The following TSPAN2 variants were observed in gnomAD, a reference collection of about 807,000 sequenced individuals.
The protein encoded by TSPAN2 is tetraspanin-2.
Under a neutral mutation model 33.3 loss-of-function variants are expected in TSPAN2, and 24 were observed. That is an observed-to-expected ratio of 0.72 (90% CI 0.52 to 1.01). The LOEUF is 1.01. TSPAN2 is among the 50% of genes least tolerant of loss of function. The pLI is 0.00. For missense variants in TSPAN2, 278 were observed against 281.3 expected, an observed-to-expected ratio of 0.99 and a Z score of 0.08; for synonymous variants, 114 against 104.5, an observed-to-expected ratio of 1.09 and a Z score of -0.56.
chr1:115,072,666 G>A (rs557959983), intron 2 of TSPAN2, among the ~76,000 whole-genome samples: 9 of 152,278 alleles, frequency 5.9e-5, no homozygotes, highest in Non-Finnish European at 8.8e-5. Context: ...TTTGGAGAGC[G>A]GAGGAACAGA....
chr1:115,079,180 A>C (rs1426699340), intron 1 of TSPAN2, among the ~76,000 whole-genome samples: 4 of 139,382 alleles, frequency 2.9e-5, no homozygotes, highest in Admixed American at 2.8e-4. Flanking sequence ...CGCATGCTGC[A>C]CTCAAATGAA....
At chr1:115,068,017 G>A (rs1299724345) in intron 2 of TSPAN2, among the ~76,000 whole-genome samples, 1 of 152,166 alleles carries the variant, frequency 6.6e-6, no homozygotes. Flanking sequence ...CAAGGTCTAG[G>A]CAACACGGAG....
intron 1 of TSPAN2, among the ~76,000 whole-genome samples, chr1:115,079,077 T>G (rs1264361900): frequency 6.6e-6 from 1 of 151,910 alleles, no homozygotes; most frequent in African/African-American, 2.4e-5. Context: ...AATGTAAATC[T>G]ACACAATGTA....
chr1:115,055,219 C>T (rs1170273413), intron 6 of TSPAN2, among the ~76,000 whole-genome samples: 1 of 152,126 alleles, frequency 6.6e-6, no homozygotes, highest in Non-Finnish European at 1.5e-5. Context: ...CCATTAGGCC[C>T]TCCTTCCCTT....
chr1:115,053,699 G>C (rs1476285982), intron 6 of TSPAN2, among the ~76,000 whole-genome samples: 1 of 152,216 alleles, frequency 6.6e-6, no homozygotes, highest in East Asian at 1.9e-4. Flanking sequence ...GTTTAGGCCA[G>C]TGGCTTCTTC....
In TSPAN2 at chr1:115,057,647, G is replaced by T. The variant is rs373488463; in HGVS notation, c.445-39C>A. On this transcript the variant is annotated intron_variant, in intron 5 of 7. Coordinates refer to ENST00000369516, the MANE Select transcript of TSPAN2 (RefSeq NM_005725.6). ...AAAGAGACTTCAGGACCAGGCGGGA[G>T]GAGTAGCAGCTACAAGTCTGGGCAC... 1.7e-5 allele frequency: 28 copies of T among 1,601,942 alleles called. No individual in the cohort carries two copies. In the African/African-American group the frequency reaches 3.6e-4, roughly 21 times the overall value.
At chr1:115,085,015 C>G (rs1648779905) in intron 1 of TSPAN2, among the ~76,000 whole-genome samples, 1 of 152,152 alleles carries the variant, frequency 6.6e-6, no homozygotes, top group African/African-American at 2.4e-5. Flanking sequence ...AAACACTGAC[C>G]ATACAACAAT....
intron 2 of TSPAN2, among the ~76,000 whole-genome samples, chr1:115,066,679 A>AC (rs1647963155): frequency 6.6e-6 from 1 of 151,906 alleles, no homozygotes; most frequent in Non-Finnish European, 1.5e-5. Context: ...GCTAATGACC[A>AC]TTTTTTTATT....
chr1:115,053,599 C>A, intron 6 of TSPAN2, 137 bp from the exon 7 acceptor site: 1 of 731,234 alleles, frequency 1.4e-6, no homozygotes, highest in Non-Finnish European at 2.2e-6. Flanking sequence ...TTCAACAATT[C>A]ATCTTTGATA....
chr1:115,084,453 G>T (rs1291259628), intron 1 of TSPAN2, among the ~76,000 whole-genome samples: 1 of 152,084 alleles, frequency 6.6e-6, no homozygotes, highest in Non-Finnish European at 1.5e-5. Context: ...GCATAGGTCT[G>T]TCCGAGGTCT....
chr1:115,080,229 G>A (rs1280028349), intron 1 of TSPAN2, among the ~76,000 whole-genome samples: 1 of 152,210 alleles, frequency 6.6e-6, no homozygotes, highest in Non-Finnish European at 1.5e-5. Flanking sequence ...GGGAGAAGGA[G>A]AAGGAGATTA....
intron 6 of TSPAN2, 43 bp downstream of exon 6, chr1:115,057,494 G>A: frequency 1.3e-6 from 2 of 1,571,028 alleles, no homozygotes; most frequent in Non-Finnish European, 1.8e-6. Context: ...TAAGCTAGCA[G>A]CATGATACTA....
chr1:115,089,312 G>GGCCCCCCCCCCGCC, intron 1 of TSPAN2, 52 bp downstream of exon 1: 57 of 1,388,838 alleles, frequency 4.1e-5, no homozygotes, highest in Non-Finnish European at 5.4e-5. Flanking sequence ...CCGGCCCCGC[G>GGCCCCCCCCCCGCC]CCCGCCACCC....
At chr1:115,061,800 G>A (rs1647734158) in intron 3 of TSPAN2, among the ~76,000 whole-genome samples, 1 of 151,870 alleles carries the variant, frequency 6.6e-6, no homozygotes, top group Non-Finnish European at 1.5e-5. Context: ...AGCCTCCTGA[G>A]TAGCTGGGAC....
At chr1:115,064,919 T>A (rs1647885866) in intron 2 of TSPAN2, among the ~76,000 whole-genome samples, 1 of 152,194 alleles carries the variant, frequency 6.6e-6, no homozygotes, top group Non-Finnish European at 1.5e-5. Flanking sequence ...CCACTGTAAA[T>A]GAAACTGTCT....
chr1:115,073,519 C>A (rs1648273933), intron 1 of TSPAN2, among the ~76,000 whole-genome samples: 1 of 126,052 alleles, frequency 7.9e-6, no homozygotes, highest in African/African-American at 2.8e-5. Context: ...ACCTCAGAAC[C>A]CACCCACACC....
chr1:115,048,812 G>A lies in TSPAN2; in HGVS notation c.*1678C>T, dbSNP rs1021998459. 3.9e-5 allele frequency: 6 copies of A among 152,120 alleles called. No individual in the cohort carries two copies. The highest frequency in any genetic ancestry group is 5.9e-5 in the Non-Finnish European group (4 of 67,972). 9.4% of individuals were successfully genotyped at this position (152,120 alleles called of 1,614,324 possible). ...GCTACAGACACAGTAAAGTAGCCAT[G>A]TATAATTAAGTTTTTAGCTTGCCTC... On this transcript the variant is annotated 3_prime_UTR_variant, in exon 8 of 8. Coordinates refer to ENST00000369516, the MANE Select transcript of TSPAN2 (RefSeq NM_005725.6).
At position 115,089,348 on chromosome 1, in the gene TSPAN2, C is replaced by G. The variant is rs1226222084; in HGVS notation, c.69+16G>C. ...GGCCCCCTGCCCTGACCGGCCCTCC[C>G]GGCTCCTGGTCTCACCCAGAAGAGC... On this transcript the variant is annotated intron_variant, in intron 1 of 7. Coordinates refer to ENST00000369516, the MANE Select transcript of TSPAN2 (RefSeq NM_005725.6). The G allele has an allele frequency of 3.2e-6, 5 of 1,567,444 alleles. No homozygotes were observed. Among genetic ancestry groups the G allele is most frequent in the Non-Finnish European group, 4.3e-6 (5 of 1,157,720 alleles).
intron 2 of TSPAN2, among the ~76,000 whole-genome samples, chr1:115,063,986 C>T (rs1647838793): frequency 1.3e-5 from 2 of 152,046 alleles, no homozygotes. Context: ...CCCCCAATCT[C>T]GGCATCACTC....
Sources: gnomAD v4.1 joint callset for allele counts (sites outside exome capture counted in the v4.1 genomes callset) on GRCh38, gnomAD v4.1.1 for gene constraint, MANE v1.5 for transcripts, NCBI Gene and HGNC (gene_info 2026-07-23, HGNC 2026-07-21) for gene names.